Variants in SEMA5A observed in about 807,000 individuals in gnomAD.
SEMA5A encodes semaphorin 5A, also known as semaphorin-5A.
Under a neutral mutation model 135.5 loss-of-function variants are expected in SEMA5A, and 55 were observed. The observed-to-expected ratio is 0.41, with a 90% confidence interval of 0.33 to 0.51. The LOEUF (loss-of-function observed/expected upper bound fraction) is 0.51, where lower values mean the gene tolerates loss of function less well. Among genes scored for constraint, SEMA5A ranks in the 20% least tolerant of loss-of-function variants. SEMA5A has a pLI of 0.37. For synonymous variants in SEMA5A, 580 were observed against 546.5 expected, an observed-to-expected ratio of 1.06 and a Z score of -0.85; for missense variants, 1,290 against 1,419.9, an observed-to-expected ratio of 0.91 and a Z score of 1.47.
At chr5:9,097,222 C>CACACTTCCCTTATTT (rs1397048256) in intron 16 of SEMA5A, among the ~76,000 whole-genome samples, 1 of 152,090 alleles carries the variant, frequency 6.6e-6, no homozygotes, top group Non-Finnish European at 1.5e-5. Context: ...AAGTAGAGAC[C>CACACTTCCCTTATTT]ACACTTCCCT....
chr5:9,455,596 G>A (rs1349372375), intron 1 of SEMA5A, among the ~76,000 whole-genome samples: 2 of 152,174 alleles, frequency 1.3e-5, no homozygotes, highest in African/African-American at 4.8e-5. Context: ...TCAGGACTAG[G>A]AAGCAGTATG....
intron 12 of SEMA5A, among the ~76,000 whole-genome samples, chr5:9,153,943 G>A (rs940819425): frequency 6.7e-6 from 1 of 150,362 alleles, no homozygotes; most frequent in Non-Finnish European, 1.5e-5. Flanking sequence ...CTACTTGGGA[G>A]GCTGAGGCAC....
chr5:9,408,325 G>A (rs751152240), intron 2 of SEMA5A, among the ~76,000 whole-genome samples: 3 of 152,164 alleles, frequency 2.0e-5, no homozygotes, highest in Non-Finnish European at 4.4e-5. Flanking sequence ...AGGCACTCCA[G>A]CTCACACTTC....
At chr5:9,364,467 C>A (rs1289119606) in intron 3 of SEMA5A, among the ~76,000 whole-genome samples, 1 of 152,116 alleles carries the variant, frequency 6.6e-6, no homozygotes, top group Admixed American at 6.5e-5. Context: ...CAAGGAACAT[C>A]CTAATAGGAT....
chr5:9,176,695 A>T (rs1276580644), intron 11 of SEMA5A, among the ~76,000 whole-genome samples: 1 of 152,198 alleles, frequency 6.6e-6, no homozygotes, highest in Non-Finnish European at 1.5e-5. Flanking sequence ...CAGTTCTGGC[A>T]GAGGTGACCC....
At position 9,156,746 on chromosome 5, in the gene SEMA5A, T is replaced by C. The variant is rs552883757; in HGVS notation, c.1274-2051A>G. On this transcript the variant is annotated intron_variant, in intron 11 of 22. Coordinates refer to ENST00000382496, the MANE Select transcript of SEMA5A (RefSeq NM_003966.3). ...ATGGGAAACAGAGTTTACAGAACTATAGCCTATCTGAGAATTTAACAAAGA... is the reference window on the plus strand; with the variant it reads ...ATGGGAAACAGAGTTTACAGAACTACAGCCTATCTGAGAATTTAACAAAGA... Among the ~76,000 whole-genome samples the C allele has an allele frequency of 5.3e-5, 8 of 152,378 alleles. No homozygotes were observed. In the East Asian group the frequency reaches 1.5e-3, roughly 29 times the overall value.
intron 11 of SEMA5A, among the ~76,000 whole-genome samples, chr5:9,183,564 G>C (rs1240872817): frequency 6.6e-6 from 1 of 152,216 alleles, no homozygotes; most frequent in African/African-American, 2.4e-5. Flanking sequence ...AGCTGAGGCA[G>C]AGCAAATGGC....
chr5:9,473,526 T>C (rs766934926), intron 1 of SEMA5A, among the ~76,000 whole-genome samples: 4 of 151,602 alleles, frequency 2.6e-5, no homozygotes, highest in Non-Finnish European at 5.9e-5. Flanking sequence ...GCAGGGTATG[T>C]AGATTTTACC....
chr5:9,038,873 A>G lies in SEMA5A; in HGVS notation c.*4024T>C, dbSNP rs257092. 135,972 of 152,138 alleles carry G rather than the reference A, an allele frequency of 0.89. 60,933 individuals are homozygous for G. The highest frequency in any genetic ancestry group is 0.96 in the East Asian group (4,954 of 5,136). 9.4% of individuals were successfully genotyped at this position (152,138 alleles called of 1,614,324 possible). ...CTCCCAAGAAACTGGGACCACAGGC[A>G]CGCACCACGATGGCTGGCTAATATT... is the stretch of plus-strand genomic sequence containing the variant. On this transcript the variant is annotated 3_prime_UTR_variant, in exon 23 of 23. Coordinates refer to ENST00000382496, the MANE Select transcript of SEMA5A (RefSeq NM_003966.3).
intron 2 of SEMA5A, among the ~76,000 whole-genome samples, chr5:9,394,018 T>A (rs1002064020): frequency 6.6e-6 from 1 of 152,062 alleles, no homozygotes; most frequent in Non-Finnish European, 1.5e-5. Context: ...AAATCAATAT[T>A]TACCGCCAAT....
chr5:9,538,274 G>C (rs563213909), intron 1 of SEMA5A, among the ~76,000 whole-genome samples: 1 of 152,062 alleles, frequency 6.6e-6, no homozygotes, highest in African/African-American at 2.4e-5. Flanking sequence ...AGAGCGGGGC[G>C]GGGGGAGGTG....
intron 1 of SEMA5A, among the ~76,000 whole-genome samples, chr5:9,493,143 T>C (rs1735117515): frequency 1.3e-5 from 2 of 152,038 alleles, no homozygotes; most frequent in Admixed American, 1.3e-4. Context: ...ACTCTATACT[T>C]GTTGCCCAAT....
At chr5:9,144,388 A>G (rs1315551989) in intron 12 of SEMA5A, among the ~76,000 whole-genome samples, 1 of 152,232 alleles carries the variant, frequency 6.6e-6, no homozygotes, top group African/African-American at 2.4e-5. Flanking sequence ...ATAAGTCCAG[A>G]GGGGAAAATA....
intron 2 of SEMA5A, among the ~76,000 whole-genome samples, chr5:9,402,397 A>G (rs544457153): frequency 5.9e-5 from 9 of 152,344 alleles, no homozygotes; most frequent in African/African-American, 2.2e-4. Context: ...CTGGAATCAC[A>G]CAGATGTGAG....
At chr5:9,425,836 G>GA (rs1425586102) in intron 2 of SEMA5A, among the ~76,000 whole-genome samples, 10 of 152,124 alleles carry the variant, frequency 6.6e-5, no homozygotes, top group African/African-American at 2.4e-4. Context: ...GGGACCTTTA[G>GA]AAAATAAAAG....
chr5:9,097,619 T>C (rs1739391280), intron 16 of SEMA5A, among the ~76,000 whole-genome samples: 1 of 152,228 alleles, frequency 6.6e-6, no homozygotes, highest in Non-Finnish European at 1.5e-5. Context: ...CCACCTTTTC[T>C]GTACATTGAA....
chr5:9,217,036 T>G (rs1746669330), intron 8 of SEMA5A, among the ~76,000 whole-genome samples: 1 of 152,274 alleles, frequency 6.6e-6, no homozygotes, highest in East Asian at 1.9e-4. Context: ...TGTTAGCTGG[T>G]TATTATGTTG....
At chr5:9,349,256 T>C (rs1475344020) in intron 3 of SEMA5A, among the ~76,000 whole-genome samples, 1 of 152,304 alleles carries the variant, frequency 6.6e-6, no homozygotes, top group East Asian at 1.9e-4. Context: ...CCAGGAACTT[T>C]AGGGTTAAGC....
At chr5:9,438,645 T>C (rs116263148) in intron 1 of SEMA5A, among the ~76,000 whole-genome samples, 1,566 of 152,340 alleles carry the variant, frequency 0.01, 21 homozygotes, top group African/African-American at 0.034. Context: ...TCAGGGCTCA[T>C]GCTTTTTTCT....
Sources: gnomAD v4.1 joint callset for allele counts (sites outside exome capture counted in the v4.1 genomes callset) on GRCh38, gnomAD v4.1.1 for gene constraint, MANE v1.5 for transcripts, NCBI Gene and HGNC (gene_info 2026-07-23, HGNC 2026-07-21) for gene names.